The following ABHD14A variants were observed in gnomAD, a reference collection of about 807,000 sequenced individuals.
ABHD14A encodes the protein protein ABHD14A.
A neutral mutation model predicts 27.0 loss-of-function variants in ABHD14A; 19 were observed. The observed-to-expected ratio is 0.70, with a 90% CI of 0.49 to 1.03. The LOEUF (loss-of-function observed/expected upper bound fraction) is 1.03. Among genes scored for constraint, ABHD14A ranks in the 50% least tolerant of loss-of-function variants. The pLI, the probability that ABHD14A is intolerant of heterozygous loss-of-function variation, is 0.00. For missense variants in ABHD14A, 311 were observed against 344.6 expected, an observed-to-expected ratio of 0.90 and a Z score of 0.77; for synonymous variants, 148 against 158.8, an observed-to-expected ratio of 0.93 and a Z score of 0.51.
In ABHD14A at chr3:51,980,526, C is replaced by A. The variant is rs762408906; in HGVS notation, c.531C>A (p.Ala177=). The A allele has an allele frequency of 1.2e-6, 2 of 1,614,074 alleles. No individual in the cohort carries two copies. The highest frequency in any genetic ancestry group is 2.2e-5 in the South Asian group (2 of 91,086). ...GCCCCTCGCTGAGTGGCCACTATGC[C>A]CTGCCCTTCCTGATGCGAGGCCACC... ...LVSPSLSGHY[A]LPFLMRGHHQ... is the part of the protein sequence containing the mutation. Residue 177 remains alanine, a synonymous_variant, in exon 4 of 5, where the codon GCC becomes GCA. Transcript: ENST00000273596.
chr3:51,978,888 G>C, intron 3 of ABHD14A: 1 of 294,328 alleles, frequency 3.4e-6, no homozygotes, highest in South Asian at 2.5e-5. Flanking sequence ...CACTGCGCCC[G>C]GCCAAGCAGT....
chr3:51,977,890 T>C lies in ABHD14A; in HGVS notation c.89T>C (p.Met30Thr). The change falls in exon 2 of 5, where the codon ATG becomes ACG. Residue 30 changes from methionine to threonine, a missense_variant. Coordinates refer to ENST00000273596, the MANE Select transcript of ABHD14A (RefSeq NM_015407.5). ...CTCCAGACTGTGGTACAGACCTCCA[T>C]GAGCCGGTCCCAGGTAGCCCTGCTG... ...PLGPTVVQTS[M>T]SRSQVALLGL... is the part of the protein sequence containing the mutation. The C allele has an allele frequency of 6.2e-7, 1 of 1,613,728 alleles. No homozygotes were observed. Among genetic ancestry groups the C allele is most frequent in the Non-Finnish European group, 8.5e-7 (1 of 1,179,690 alleles).
chr3:51,979,391 G>A (rs1349101345), intron 3 of ABHD14A, among the ~76,000 whole-genome samples: 1 of 151,874 alleles, frequency 6.6e-6, no homozygotes, highest in Non-Finnish European at 1.5e-5. Flanking sequence ...GAGCATGTGA[G>A]CAATAATTTC....
Position 51,975,185 on chromosome 3 carries a change from C to T in ABHD14A, c.50C>T (p.Pro17Leu). 1.6e-6 allele frequency: 2 copies of T among 1,275,624 alleles called. No homozygotes were observed. Among genetic ancestry groups the T allele is most frequent in the South Asian group, 2.6e-5 (1 of 38,462 alleles). 79.0% of individuals were successfully genotyped at this position (1,275,624 alleles called of 1,614,324 possible). A position where few individuals can be genotyped will look rare whatever the true frequency, so the allele number is the denominator to read the frequency against. ...GCWFRLGGARPLIPLGPTVVQ... is the reference protein window; with the variant it reads ...GCWFRLGGARLLIPLGPTVVQ... ...TGGTTCCGCCTGGGCGGGGCCCGCC[C>T]GCTCATCCCGTTGGGCCCGGTGAGT... The change falls in exon 1 of 5, where the codon CCG becomes CTG. Residue 17 changes from proline to leucine, a missense_variant. Transcript: ENST00000273596.
intron 3 of ABHD14A, 122 bp downstream of exon 3, chr3:51,978,496 G>A: frequency 1.6e-6 from 1 of 614,672 alleles, no homozygotes; most frequent in Non-Finnish European, 2.7e-6. Flanking sequence ...AAAAGTCTGT[G>A]TTTTCATTTT....
rs34473511 is a variant in ABHD14A at position 51,981,122 on chromosome 3, A to AGCTG, written c.*105_*106insCTGG. On this transcript the variant is annotated 3_prime_UTR_variant, in exon 5 of 5. Transcript: ENST00000273596. ...CCTCTGGGATTGGAGGCCAGAGGCC[A>AGCTG]GGGTCAGACCCAGCCAGGACTCCTC... 0.014 allele frequency: 18,926 copies of AGCTG among 1,315,318 alleles called. 2,019 individuals carry two copies. In the African/African-American group the frequency reaches 0.23, roughly 16 times the overall value. 81.5% of individuals were successfully genotyped at this position (1,315,318 alleles called of 1,614,324 possible).
intron 1 of ABHD14A, among the ~76,000 whole-genome samples, chr3:51,976,512 TA>T (rs1336931487): frequency 6.6e-5 from 10 of 151,788 alleles, no homozygotes; most frequent in South Asian, 2.1e-4. Context: ...CTGTCTCTAC[TA>T]AAAAATACAA....
intron 3 of ABHD14A, 29 bp from the exon 4 acceptor site, chr3:51,980,364 C>A: frequency 6.2e-7 from 1 of 1,609,150 alleles, no homozygotes; most frequent in South Asian, 1.1e-5. Flanking sequence ...TCCCAGTGCC[C>A]CTCAGCTGGT....
At chr3:51,976,378 C>G (rs1002939167) in intron 1 of ABHD14A, among the ~76,000 whole-genome samples, 1 of 152,192 alleles carries the variant, frequency 6.6e-6, no homozygotes, top group African/African-American at 2.4e-5. Context: ...CCAGTTGGCA[C>G]TCAATAAAGA....
chr3:51,980,542 C>T lies in ABHD14A; in HGVS notation c.547C>T (p.Arg183Ter), dbSNP rs764685951. ...CCACTATGCCCTGCCCTTCCTGATG[C>T]GAGGCCACCACCAGCTACATGGATT... ...SGHYALPFLM[R>*]GHHQLHGFVP... Residue 183 changes from arginine to a stop codon, truncating the protein, a stop_gained, in exon 4 of 5, where the codon CGA becomes TGA. Transcript: ENST00000273596. LOFTEE classifies it high-confidence loss of function. 24 of 1,614,020 alleles carry T rather than the reference C, an allele frequency of 1.5e-5. No homozygotes were observed. Among genetic ancestry groups the T allele is most frequent in the Non-Finnish European group, 1.8e-5 (21 of 1,180,042 alleles).
At chr3:51,977,378 TG>T (rs1422755863) in intron 1 of ABHD14A, among the ~76,000 whole-genome samples, 3 of 152,166 alleles carry the variant, frequency 2.0e-5, no homozygotes, top group Non-Finnish European at 4.4e-5. Context: ...GAGTGTGGCC[TG>T]GTAGTTAGAA....
chr3:51,980,454 G>A lies in ABHD14A; in HGVS notation c.459G>A (p.Leu153=). 2 of 1,613,588 alleles carry A rather than the reference G, an allele frequency of 1.2e-6. No homozygotes were observed. Among genetic ancestry groups the A allele is most frequent in the Non-Finnish European group, 1.7e-6 (2 of 1,180,036 alleles). ...ASTEAGRAAL[L]ERALRDLEVQ... is the part of the protein sequence containing the mutation. ...CAGAGGCAGGGCGGGCAGCGCTGCT[G>A]GAGCGGGCGCTGCGGGACCTGGAGG... Residue 153 remains leucine (L), a synonymous_variant, in exon 4 of 5, where the codon CTG becomes CTA. Coordinates refer to ENST00000273596, the MANE Select transcript of ABHD14A (RefSeq NM_015407.5).
At chr3:51,975,248 G>C (rs1200849073) in intron 1 of ABHD14A, 44 bp downstream of exon 1, 2 of 1,244,978 alleles carry the variant, frequency 1.6e-6, no homozygotes, top group Non-Finnish European at 2.0e-6. Flanking sequence ...GCCCAGGGGA[G>C]GGCCGTCTTT....
chr3:51,979,636 C>T (rs1700871878), intron 3 of ABHD14A, among the ~76,000 whole-genome samples: 1 of 151,828 alleles, frequency 6.6e-6, no homozygotes, highest in African/African-American at 2.4e-5. Flanking sequence ...AGGTGCGCCC[C>T]ACCATGCCTG....
chr3:51,975,342 T>TGTAATGTGTGTGCGCGCGC lies in ABHD14A; in HGVS notation c.69+139_69+157dup, dbSNP rs752295021. ...GGCCGCGAATGTGCATGTGCGCGCG[T>TGTAATGTGTGTGCGCGCGC]GTAATGTGTGTGCGCGCGCAGGGTC... On this transcript the variant is annotated intron_variant, in intron 1 of 4. Coordinates refer to ENST00000273596, the MANE Select transcript of ABHD14A (RefSeq NM_015407.5). 784 of 794,820 alleles carry TGTAATGTGTGTGCGCGCGC rather than the reference T, an allele frequency of 9.9e-4. 3 individuals carry two copies. Among genetic ancestry groups the TGTAATGTGTGTGCGCGCGC allele is most frequent in the Non-Finnish European group, 1.2e-3 (705 of 592,772 alleles). The allele number at this position is 794,820 out of a possible 1,614,324, so 49.2% of individuals were successfully genotyped here.
rs763606972 is a variant in ABHD14A at position 51,975,158 on chromosome 3, G to A, written c.23G>A (p.Cys8Tyr). The A allele has an allele frequency of 3.9e-6, 5 of 1,287,022 alleles. No homozygotes were observed. The highest frequency in any genetic ancestry group is 4.9e-6 in the Non-Finnish European group (5 of 1,016,800). 79.7% of individuals were successfully genotyped at this position (1,287,022 alleles called of 1,614,324 possible). Residue 8 changes from cysteine to tyrosine, a missense_variant, in exon 1 of 5, where the codon TGC becomes TAC. Physicochemically the swap from Cys to Tyr is radical, Grantham distance 194. Transcript: ENST00000273596. ...GCCATGGTCGGGGCGCTGTGCGGCT[G>A]CTGGTTCCGCCTGGGCGGGGCCCGC... MVGALCG[C>Y]WFRLGGARPL... is the part of the protein sequence containing the mutation.
Position 51,981,060 on chromosome 3 carries a change from A to G in ABHD14A, c.*42A>G, listed in dbSNP as rs749827466. 1.8e-5 allele frequency: 29 copies of G among 1,580,440 alleles called. No homozygotes were observed. The highest frequency in any genetic ancestry group is 2.5e-5 in the Non-Finnish European group (29 of 1,154,708). On this transcript the variant is annotated 3_prime_UTR_variant, in exon 5 of 5. Transcript: ENST00000273596. ...CTCCCAGCCTGGCATGAGCTTGGACAGTCTGGACCGCCACCCTCCCTGAAC... is the reference window on the plus strand; with the variant it reads ...CTCCCAGCCTGGCATGAGCTTGGACGGTCTGGACCGCCACCCTCCCTGAAC...
rs753007139 is a variant in ABHD14A at position 51,980,675 on chromosome 3, TG to T, written c.633+54del. 1.0e-5 allele frequency: 16 copies of T among 1,590,730 alleles called. No homozygotes were observed. In the South Asian group the frequency reaches 1.4e-4, roughly 14 times the overall value. ...AGGTCCTGGCACCCTGTCTGTGGCT[TG>T]GGGGGGTTCAGGACTCAAGTCTTAC... On this transcript the variant is annotated intron_variant, in intron 4 of 4. Transcript: ENST00000273596.
At chr3:51,977,835 G>A in intron 1 of ABHD14A, 36 bp from the exon 2 acceptor site, 1 of 1,581,482 alleles carries the variant, frequency 6.3e-7, no homozygotes, top group Non-Finnish European at 8.7e-7. Flanking sequence ...TAGGGACTCA[G>A]TTCCAGCCTC....
Sources: gnomAD v4.1 joint callset for allele counts (sites outside exome capture counted in the v4.1 genomes callset) on GRCh38, gnomAD v4.1.1 for gene constraint, MANE v1.5 for transcripts, NCBI Gene and HGNC (gene_info 2026-07-23, HGNC 2026-07-21) for gene names.